CADM2: variants seen among roughly 807,000 people sequenced by gnomAD.
CADM2 encodes the protein immunoglobulin superfamily member 4D.
Under a neutral mutation model 49.8 loss-of-function variants are expected in CADM2, and 12 were observed. The observed-to-expected ratio is 0.24, with a 90% CI of 0.15 to 0.39. CADM2 has a LOEUF of 0.39. CADM2 is among the 10% of genes least tolerant of loss of function. The pLI is 1.00. For synonymous variants in CADM2, 214 were observed against 175.4 expected, an observed-to-expected ratio of 1.22 and a Z score of -1.74; for missense variants, 378 against 492.3, an observed-to-expected ratio of 0.77 and a Z score of 2.20.
rs1703429312 is a variant in CADM2, at chr3:86,074,357, A to G, written c.*7574A>G. The G allele has an allele frequency of 6.6e-6, 1 of 152,162 alleles. No homozygotes were observed. Among genetic ancestry groups the G allele is most frequent in the East Asian group, 1.9e-4 (1 of 5,186 alleles). The allele number at this position is 152,162 out of a possible 1,614,324, so 9.4% of individuals were successfully genotyped here. A position where few individuals can be genotyped will look rare whatever the true frequency, so the allele number is the denominator to read the frequency against. On this transcript the variant is annotated 3_prime_UTR_variant, in exon 10 of 10. Coordinates refer to ENST00000383699, the MANE Select transcript of CADM2 (RefSeq NM_001167675.2). ...GTAAGCCAAAGGCTGTACAAGATTTAGTGTCATTGGGTCTCATATTTGTGT... is the reference window on the plus strand; with the variant it reads ...GTAAGCCAAAGGCTGTACAAGATTTGGTGTCATTGGGTCTCATATTTGTGT...
chr3:85,299,585 T>C (rs1438831771), intron 1 of CADM2, among the ~76,000 whole-genome samples: 3 of 152,068 alleles, frequency 2.0e-5, no homozygotes, highest in African/African-American at 4.8e-5. Context: ...TGCTAGTTTA[T>C]GTGAATCCCC....
At chr3:85,860,791 A>G (rs1355871525) in intron 3 of CADM2, among the ~76,000 whole-genome samples, 1 of 152,170 alleles carries the variant, frequency 6.6e-6, no homozygotes, top group Non-Finnish European at 1.5e-5. Context: ...GGGGGACACA[A>G]ACATTCAGAC....
At chr3:84,961,602 CA>C in intron 1 of CADM2, among the ~76,000 whole-genome samples, 1 of 152,228 alleles carries the variant, frequency 6.6e-6, no homozygotes, top group Admixed American at 6.5e-5. Flanking sequence ...TTGCATTTCT[CA>C]GCTCTGCTGT....
chr3:86,009,704 T>A (rs73134188), intron 8 of CADM2, among the ~76,000 whole-genome samples: 4 of 151,746 alleles, frequency 2.6e-5, no homozygotes, highest in African/African-American at 9.7e-5. Flanking sequence ...TTTTTTATGG[T>A]CACATTAGGA....
At chr3:85,377,063 T>G (rs1400653151) in intron 1 of CADM2, among the ~76,000 whole-genome samples, 1 of 152,130 alleles carries the variant, frequency 6.6e-6, no homozygotes, top group Non-Finnish European at 1.5e-5. Context: ...TTTGCTCTTA[T>G]TTTGTTTCTT....
intron 1 of CADM2, among the ~76,000 whole-genome samples, chr3:85,445,563 G>A (rs1049165951): frequency 2.0e-5 from 3 of 151,972 alleles, no homozygotes; most frequent in Non-Finnish European, 4.4e-5. Context: ...ATGGTTTCTT[G>A]CCTTCAGGAA....
intron 3 of CADM2, among the ~76,000 whole-genome samples, chr3:85,812,611 A>T (rs1485037863): frequency 1.3e-5 from 2 of 152,130 alleles, no homozygotes; most frequent in Admixed American, 1.3e-4. Flanking sequence ...CAGTTTTGTT[A>T]CATAGCTATA....
chr3:85,387,418 A>G (rs1471368457), intron 1 of CADM2, among the ~76,000 whole-genome samples: 1 of 152,146 alleles, frequency 6.6e-6, no homozygotes, highest in Non-Finnish European at 1.5e-5. Flanking sequence ...TCCTATCACT[A>G]TTGAACAGAG....
intron 8 of CADM2, among the ~76,000 whole-genome samples, chr3:85,987,974 C>G (rs1011475232): frequency 2.6e-5 from 4 of 152,080 alleles, no homozygotes; most frequent in Admixed American, 1.3e-4. Flanking sequence ...TTCTTTGACA[C>G]TCCACATGAA....
chr3:85,703,141 T>TA (rs2107714450), intron 1 of CADM2, among the ~76,000 whole-genome samples: 1 of 152,282 alleles, frequency 6.6e-6, no homozygotes, highest in South Asian at 2.1e-4. Context: ...AGATTATACT[T>TA]ACTGTCAAAA....
intron 1 of CADM2, among the ~76,000 whole-genome samples, chr3:85,423,831 C>T (rs957063850): frequency 1.3e-5 from 2 of 152,124 alleles, no homozygotes; most frequent in African/African-American, 2.4e-5. Context: ...ACCATTTACT[C>T]GTGTCTACTT....
intron 1 of CADM2, among the ~76,000 whole-genome samples, chr3:85,643,444 A>G (rs1301157522): frequency 6.6e-6 from 1 of 152,194 alleles, no homozygotes; most frequent in African/African-American, 2.4e-5. Flanking sequence ...ATATGAGCGA[A>G]AGATTGACTT....
At chr3:85,226,030 A>G in intron 1 of CADM2, among the ~76,000 whole-genome samples, 1 of 152,190 alleles carries the variant, frequency 6.6e-6, no homozygotes, top group Middle Eastern at 3.2e-3. Context: ...TTTTCACATC[A>G]ATCTTCATCA....
chr3:85,586,126 T>C (rs1479827889), intron 1 of CADM2, among the ~76,000 whole-genome samples: 2 of 152,084 alleles, frequency 1.3e-5, no homozygotes, highest in Non-Finnish European at 2.9e-5. Flanking sequence ...TCCGGTTTTT[T>C]ACCTATCATC....
chr3:85,961,549 A>G lies in CADM2; in HGVS notation c.872A>G (p.Asn291Ser). Reference protein sequence around the residue: ...DRMVVSGRELNILFLNKTDNG... With the variant: ...DRMVVSGRELSILFLNKTDNG... The stretch of plus-strand genomic sequence containing the variant: ...ATGGTTGTGAGTGGTAGGGAGCTAA[A>G]CATTCTTTTCCTGAACAAAACGGAT... Residue 291 changes from asparagine (N) to serine (S), a missense_variant, in exon 8 of 10, where the codon AAC becomes AGC. Transcript: ENST00000383699. 1.9e-6 allele frequency: 3 copies of G among 1,610,940 alleles called. No homozygotes were observed. Among genetic ancestry groups the G allele is most frequent in the Non-Finnish European group, 1.7e-6 (2 of 1,177,742 alleles).
intron 1 of CADM2, among the ~76,000 whole-genome samples, chr3:85,702,780 C>A (rs908502391): frequency 7.9e-5 from 12 of 152,090 alleles, no homozygotes; most frequent in Non-Finnish European, 1.5e-5. Context: ...TTTTCAGTAT[C>A]CATATTTGCT....
At chr3:85,027,109 CTTTT>C (rs1160735135) in intron 1 of CADM2, among the ~76,000 whole-genome samples, 7 of 55,688 alleles carry the variant, frequency 1.3e-4, no homozygotes, top group African/African-American at 1.9e-4. Context: ...TTTCTTTTTC[CTTTT>C]TTTTTTTTTT....
At chr3:85,466,144 A>C (rs553237672) in intron 1 of CADM2, among the ~76,000 whole-genome samples, 2 of 152,278 alleles carry the variant, frequency 1.3e-5, no homozygotes, top group Admixed American at 1.3e-4. Context: ...TGTCAATTTC[A>C]TTGTGACAGT....
chr3:85,582,014 C>T (rs2062814747), intron 1 of CADM2, among the ~76,000 whole-genome samples: 1 of 152,034 alleles, frequency 6.6e-6, no homozygotes, highest in Admixed American at 6.6e-5. Flanking sequence ...GCAACCTCCA[C>T]CTCCTGAGTT....
Sources: gnomAD v4.1 joint callset for allele counts (sites outside exome capture counted in the v4.1 genomes callset) on GRCh38, gnomAD v4.1.1 for gene constraint, MANE v1.5 for transcripts, NCBI Gene and HGNC (gene_info 2026-07-23, HGNC 2026-07-21) for gene names.